The following GARRE1 variants were observed in gnomAD, a reference collection of about 807,000 sequenced individuals.
The protein encoded by GARRE1 is granule associated Rac and RHOG effector 1, also known as granule associated Rac and RHOG effector protein 1.
Under a neutral mutation model 103.2 loss-of-function variants are expected in GARRE1, and 49 were observed. The ratio of observed to expected loss-of-function variants is 0.47; its 90% CI spans 0.38 to 0.60. The LOEUF (loss-of-function observed/expected upper bound fraction) is 0.60, where lower values mean the gene tolerates loss of function less well. GARRE1 is among the 20% of genes least tolerant of loss of function. The pLI, the probability that GARRE1 is intolerant of heterozygous loss-of-function variation, is 0.00. For synonymous variants in GARRE1, 505 were observed against 532.8 expected (o/e 0.95, Z 0.72); for missense variants, 1,199 against 1,370.5 (o/e 0.87, Z 1.98).
At position 34,354,092 on chromosome 19, in the gene GARRE1, TATTA is replaced by T. The variant is rs1304076016; in HGVS notation, c.*1141_*1144del. 3 of 152,612 alleles carry T rather than the reference TATTA, an allele frequency of 2.0e-5. No individual in the cohort carries two copies. The highest frequency in any genetic ancestry group is 4.4e-5 in the Non-Finnish European group (3 of 68,044). 9.5% of individuals were successfully genotyped at this position (152,612 alleles called of 1,614,324 possible). A position where few individuals can be genotyped will look rare whatever the true frequency, so the allele number is the denominator to read the frequency against. ...TATAGAATAGACATATCCCACTGTA[TATTA>T]ATTGAGGTTACAGAAAGTTCTTTAT... On this transcript the variant is annotated 3_prime_UTR_variant, in exon 14 of 14. Transcript: ENST00000299505.
Sources: gnomAD v4.1 joint callset for allele counts on GRCh38, gnomAD v4.1.1 for gene constraint, MANE v1.5 for transcripts, NCBI Gene and HGNC (gene_info 2026-07-23, HGNC 2026-07-21) for gene names.